Variants in HIRA observed in about 807,000 individuals in gnomAD.
The protein encoded by HIRA is histone cell cycle regulator.
Under a neutral mutation model 126.6 loss-of-function variants are expected in HIRA, and 13 were observed. The observed-to-expected ratio is 0.10, with a 90% CI of 0.07 to 0.16. The LOEUF (loss-of-function observed/expected upper bound fraction) is 0.16, where lower values mean the gene tolerates loss of function less well. HIRA is among the 10% of genes least tolerant of loss of function. HIRA has a pLI of 1.00. For synonymous variants in HIRA, 511 were observed against 520.0 expected, an observed-to-expected ratio of 0.98 and a Z score of 0.24; for missense variants, 834 against 1,314.4, an observed-to-expected ratio of 0.63 and a Z score of 5.65.
chr22:19,405,801 G>A lies in HIRA; in HGVS notation c.382C>T (p.Arg128Trp), dbSNP rs775656537. 2 of 1,469,566 alleles carry A rather than the reference G, an allele frequency of 1.4e-6. No homozygotes were observed. Among genetic ancestry groups the A allele is most frequent in the Non-Finnish European group, 9.1e-7 (1 of 1,102,066 alleles). 91.0% of individuals were successfully genotyped at this position (1,469,566 alleles called of 1,614,324 possible). Residue 128 changes from arginine (R) to tryptophan (W), a missense_variant, in exon 5 of 25, where the codon CGG (arginine) becomes TGG (tryptophan). Coordinates refer to ENST00000263208, the MANE Select transcript of HIRA (RefSeq NM_003325.4). The part of the protein sequence containing the change: ...VEQWRCVSIL[R>W]NHSGDVMDVA... ...TCCCACTCACCGCCTGAATGATTCC[G>A]GAGGATAGAGACACACCGCCACTGC...
At position 19,361,824 on chromosome 22, in the gene HIRA, T is replaced by C. The variant is rs1299441517; in HGVS notation, c.1883A>G (p.Lys628Arg). The change falls in exon 16 of 25, where the codon AAG (lysine) becomes AGG (arginine). Residue 628 changes from lysine to arginine, a missense_variant. By Grantham distance (26) the Lys-to-Arg change is conservative. This residue lies in a region of HIRA where 468 missense variants were observed against 574.2 expected (regional missense o/e 0.82). Transcript: ENST00000263208. The stretch of plus-strand genomic sequence containing the variant: ...CTCTACCTCAAGCTCAAGTTTTCGC[T>C]TGGACAGTGAGGAAGCCTTAGCCAA... Reference protein sequence around the residue: ...VPLAKASSLSKRKLELEVETV... With the variant: ...VPLAKASSLSRRKLELEVETV... 1 of 1,614,166 alleles carries C rather than the reference T, an allele frequency of 6.2e-7. No individual in the cohort carries two copies. Among genetic ancestry groups the C allele is most frequent in the South Asian group, 1.1e-5 (1 of 91,084 alleles).
rs2146497746 is a variant in HIRA, at chr22:19,331,155, C to T, written c.*285G>A. The T allele has an allele frequency of 7.4e-7, 1 of 1,357,990 alleles. No individual in the cohort carries two copies. The highest frequency in any genetic ancestry group is 1.5e-5 in the African/African-American group (1 of 68,852). The allele number at this position is 1,357,990 out of a possible 1,614,324, so 84.1% of individuals were successfully genotyped here. ...TGGGGCCGTGCTGGAGACGGCAGGC[C>T]TGGGACTGCCTTGCTGGCCCCAGGG... On this transcript the variant is annotated 3_prime_UTR_variant, in exon 25 of 25. Transcript: ENST00000263208.
At position 19,355,415 on chromosome 22, in the gene HIRA, A is replaced by G. The variant is rs192685877; in HGVS notation, c.2561+345T>C. On this transcript the variant is annotated intron_variant, in intron 21 of 24. Coordinates refer to ENST00000263208, the MANE Select transcript of HIRA (RefSeq NM_003325.4). The stretch of plus-strand genomic sequence containing the variant: ...CTTACTAAGCTCACAGAAATTGACT[A>G]GTCCTGTTAAGGCTCCTGTAAAGCC... Among the ~76,000 whole-genome samples the G allele has an allele frequency of 7.2e-5, 11 of 152,330 alleles. No individual in the cohort carries two copies. In the East Asian group the frequency reaches 1.9e-3, roughly 27 times the overall value.
chr22:19,430,450 A>G (rs2089523475), intron 1 of HIRA, among the ~76,000 whole-genome samples: 1 of 152,190 alleles, frequency 6.6e-6, no homozygotes, highest in Non-Finnish European at 1.5e-5. Flanking sequence ...ACATGTTAAA[A>G]TATCTATTCT....
At chr22:19,406,451 C>G (rs2089308697) in intron 4 of HIRA, among the ~76,000 whole-genome samples, 1 of 152,220 alleles carries the variant, frequency 6.6e-6, no homozygotes, top group Non-Finnish European at 1.5e-5. Context: ...GTACTAGCCC[C>G]CACCACAGGA....
In HIRA at chr22:19,385,514, C is replaced by A. The variant is rs746894227; in HGVS notation, c.1329+7G>T. On this transcript the variant is annotated splice_region_variant and intron_variant, in intron 12 of 24. Coordinates refer to ENST00000263208, the MANE Select transcript of HIRA (RefSeq NM_003325.4). ...ATGTCTTTAGCGCCACCAGGCAGGG[C>A]TCTCACCTTCCTGATATCTTCAAGA... 6.3e-7 allele frequency: 1 copy of A among 1,598,116 alleles called. No homozygotes were observed. Among genetic ancestry groups the A allele is most frequent in the Non-Finnish European group, 8.6e-7 (1 of 1,165,656 alleles).
In HIRA at chr22:19,411,486, C is replaced by A. The variant is rs190612961; in HGVS notation, c.38-708G>T. The stretch of plus-strand genomic sequence containing the variant: ...AGCACTGTAGGAGCTTGAAACCCAG[C>A]AGACCATAGAAGGCACTCACGCCTG... On this transcript the variant is annotated intron_variant, in intron 1 of 24. Transcript: ENST00000263208. 2.6e-5 allele frequency among the ~76,000 whole-genome samples: 4 copies of A among 152,294 alleles called. No homozygotes were observed. The East Asian group carries it at 7.7e-4, about 29-fold the overall frequency.
At chr22:19,347,135 C>T (rs1253597473) in intron 24 of HIRA, among the ~76,000 whole-genome samples, 3 of 152,192 alleles carry the variant, frequency 2.0e-5, no homozygotes, top group Non-Finnish European at 4.4e-5. Flanking sequence ...TTCTGCCTGC[C>T]TCCCACTCTA....
chr22:19,363,098 G>C (rs964924559), intron 15 of HIRA, among the ~76,000 whole-genome samples: 1 of 151,550 alleles, frequency 6.6e-6, no homozygotes, highest in African/African-American at 2.4e-5. Flanking sequence ...GCCGGGTGTG[G>C]TGGCGTGTGC....
At chr22:19,400,456 G>A (rs1169035780) in intron 5 of HIRA, among the ~76,000 whole-genome samples, 2 of 152,134 alleles carry the variant, frequency 1.3e-5, no homozygotes, top group Admixed American at 6.6e-5. Flanking sequence ...GCCTCTTTCA[G>A]TGTTACGAGT....
intron 15 of HIRA, among the ~76,000 whole-genome samples, chr22:19,368,980 C>G (rs1001659443): frequency 6.6e-6 from 1 of 152,214 alleles, no homozygotes; most frequent in Admixed American, 6.5e-5. Flanking sequence ...TGCACCTCCC[C>G]AGCCTGCATG....
intron 1 of HIRA, among the ~76,000 whole-genome samples, chr22:19,413,111 G>A (rs2089367202): frequency 6.6e-6 from 1 of 152,210 alleles, no homozygotes; most frequent in Non-Finnish European, 1.5e-5. Flanking sequence ...GCAGACTGCA[G>A]GTAGAGAGTG....
At chr22:19,385,392 G>A (rs1048890144) in intron 12 of HIRA, 129 bp downstream of exon 12, 37 of 839,084 alleles carry the variant, frequency 4.4e-5, no homozygotes, top group South Asian at 2.4e-4. Context: ...CAACAGGCCC[G>A]AGGCTGGCTA....
rs2088754904 is a variant in HIRA, at chr22:19,351,306, C to T, written c.2937+52G>A. The T allele has an allele frequency of 1.3e-6, 2 of 1,575,016 alleles. No homozygotes were observed. The highest frequency in any genetic ancestry group is 2.7e-5 in the African/African-American group (2 of 72,846). ...CTTTGGCTTATTTAAAAAATCTCCA[C>T]CTTCATGTTTCAAGAAAGAATTCTT... On this transcript the variant is annotated intron_variant, in intron 24 of 24. Transcript: ENST00000263208. This position sits in a 1 kb window ranked among gnomAD's most constrained non-coding sequence, Gnocchi z 4.8.
chr22:19,417,803 C>T (rs1335203372), intron 1 of HIRA, among the ~76,000 whole-genome samples: 1 of 152,162 alleles, frequency 6.6e-6, no homozygotes, highest in Non-Finnish European at 1.5e-5. Flanking sequence ...CACCCATGTT[C>T]ATAGCAGTAC....
intron 24 of HIRA, among the ~76,000 whole-genome samples, chr22:19,338,398 A>G (rs1601797464): frequency 7.7e-6 from 1 of 129,662 alleles, no homozygotes; most frequent in Non-Finnish European, 1.7e-5. Flanking sequence ...CTATAAAACA[A>G]TAACAAAATG....
intron 15 of HIRA, among the ~76,000 whole-genome samples, chr22:19,368,150 C>A (rs2088931058): frequency 6.6e-6 from 1 of 152,198 alleles, no homozygotes; most frequent in East Asian, 1.9e-4. Flanking sequence ...GGCCTGTTAG[C>A]CCCTCCTCTG....
chr22:19,406,054 C>G (rs896760864), intron 4 of HIRA, among the ~76,000 whole-genome samples, 174 bp from the exon 5 acceptor site: 4 of 152,156 alleles, frequency 2.6e-5, no homozygotes, highest in African/African-American at 9.7e-5. Flanking sequence ...GATCCATGCA[C>G]TTGATGAAAT....
intron 14 of HIRA, among the ~76,000 whole-genome samples, chr22:19,376,687 G>A (rs1651922550): frequency 6.6e-6 from 1 of 152,144 alleles, no homozygotes; most frequent in Admixed American, 6.5e-5. Flanking sequence ...GTCCCCCCAG[G>A]GCAGTGACCT....
Sources: allele counts gnomAD v4.1 joint callset (sites outside exome capture counted in the v4.1 genomes callset), GRCh38; gene constraint gnomAD v4.1.1; regional missense constraint gnomAD v4.1.1; non-coding constraint Gnocchi (gnomAD v3.1); transcripts MANE v1.5; gene names NCBI Gene and HGNC (gene_info 2026-07-23, HGNC 2026-07-21).